UGT1A10: variants seen among roughly 807,000 people sequenced by gnomAD.
UGT1A10 encodes UDP-glucuronosyltransferase 1A10.
Under a neutral mutation model 45.8 loss-of-function variants are expected in UGT1A10, and 49 were observed. The ratio of observed to expected loss-of-function variants is 1.07; its 90% CI spans 0.85 to 1.36. UGT1A10 has a LOEUF of 1.36. Ranked by LOEUF, UGT1A10 falls within the 40% of genes most tolerant of loss-of-function variation. UGT1A10 has a pLI of 0.00. For missense variants in UGT1A10, 745 were observed against 668.6 expected, an observed-to-expected ratio of 1.11 and a Z score of -1.26; for synonymous variants, 284 against 249.7, an observed-to-expected ratio of 1.14 and a Z score of -1.29.
chr2:233,722,201 C>A (rs2076999629), intron 1 of UGT1A10: 1 of 154,184 alleles, frequency 6.5e-6, no homozygotes, highest in African/African-American at 2.4e-5. Flanking sequence ...TTACTGAGTG[C>A]ATGAAAGATC....
intron 1 of UGT1A10, among the ~76,000 whole-genome samples, chr2:233,695,692 A>G (rs972852421): frequency 1.3e-5 from 2 of 151,974 alleles, no homozygotes; most frequent in African/African-American, 4.8e-5. Flanking sequence ...CTGTGCCTAG[A>G]TTATTTCACC....
At chr2:233,702,884 A>G (rs2075712374) in intron 1 of UGT1A10, among the ~76,000 whole-genome samples, 1 of 152,194 alleles carries the variant, frequency 6.6e-6, no homozygotes, top group South Asian at 2.1e-4. Flanking sequence ...GGACTTTTGC[A>G]TCATATCCAT....
At chr2:233,762,468 G>A (rs976449997) in intron 1 of UGT1A10, among the ~76,000 whole-genome samples, 1 of 152,122 alleles carries the variant, frequency 6.6e-6, no homozygotes, top group Non-Finnish European at 1.5e-5. Context: ...TAATGTCATG[G>A]ATATCACTCC....
At chr2:233,753,960 G>C (rs563043918) in intron 1 of UGT1A10, among the ~76,000 whole-genome samples, 1 of 152,300 alleles carries the variant, frequency 6.6e-6, no homozygotes, top group East Asian at 1.9e-4. Flanking sequence ...AAAATATTAA[G>C]AGAATAACGT....
At chr2:233,654,480 A>G (rs1469791806) in intron 1 of UGT1A10, among the ~76,000 whole-genome samples, 4 of 152,260 alleles carry the variant, frequency 2.6e-5, no homozygotes, top group Non-Finnish European at 5.9e-5. Context: ...AGTTTACAGC[A>G]GAGAGTCTCA....
chr2:233,746,004 G>A (rs1693275700), intron 1 of UGT1A10, among the ~76,000 whole-genome samples: 1 of 151,648 alleles, frequency 6.6e-6, no homozygotes, highest in Non-Finnish European at 1.5e-5. Context: ...GAGAGACAGT[G>A]GTAGAAACAT....
At chr2:233,760,403 A>T (rs2125983562) in intron 1 of UGT1A10, 1 of 1,614,240 alleles carries the variant, frequency 6.2e-7, no homozygotes, top group Non-Finnish European at 8.5e-7. Flanking sequence ...GATGGCAGCC[A>T]CTGGCTGAGC....
intron 1 of UGT1A10, chr2:233,672,665 T>C: frequency 6.2e-7 from 1 of 1,613,956 alleles, no homozygotes; most frequent in Non-Finnish European, 8.5e-7. Context: ...GAGTATGATC[T>C]CTACAGCCAC....
intron 1 of UGT1A10, chr2:233,743,295 G>A (rs1319359883): frequency 1.8e-6 from 1 of 548,688 alleles, no homozygotes; most frequent in African/African-American, 2.0e-5. Flanking sequence ...CATTCTCAAT[G>A]ATTCTCTTGG....
chr2:233,689,703 C>T (rs1005426384), intron 1 of UGT1A10, among the ~76,000 whole-genome samples: 2 of 152,156 alleles, frequency 1.3e-5, no homozygotes, highest in African/African-American at 4.8e-5. Flanking sequence ...CGTTATTTCC[C>T]CTTATCTGAG....
At chr2:233,691,650 A>T (rs1174278220) in intron 1 of UGT1A10, 8 of 984,910 alleles carry the variant, frequency 8.1e-6, no homozygotes, top group Non-Finnish European at 2.4e-6. Flanking sequence ...GGCCAGTGTG[A>T]CCCTCCCTTT....
chr2:233,662,817 G>GTTT (rs34052709), intron 1 of UGT1A10, among the ~76,000 whole-genome samples: 1 of 139,376 alleles, frequency 7.2e-6, no homozygotes, highest in Non-Finnish European at 1.6e-5. Flanking sequence ...TTTGCTGAGA[G>GTTT]TTTTTTTTTT....
intron 1 of UGT1A10, chr2:233,747,550 G>C: frequency 6.2e-6 from 10 of 1,601,970 alleles, no homozygotes; most frequent in Non-Finnish European, 7.7e-6. Context: ...TTTTCTAAAA[G>C]TATGGCAATT....
chr2:233,772,713 T>G lies in UGT1A10; in HGVS notation c.*154T>G. ...GAGTGCTTTAAAAAATTCTCTTAAA[T>G]AAAAATAATAGACTCGCTAGTCAGT... On this transcript the variant is annotated 3_prime_UTR_variant, in exon 5 of 5. Transcript: ENST00000344644. The G allele has an allele frequency of 6.8e-7, 1 of 1,465,268 alleles. No individual in the cohort carries two copies. Among genetic ancestry groups the G allele is most frequent in the Non-Finnish European group, 9.0e-7 (1 of 1,113,920 alleles). 90.8% of individuals were successfully genotyped at this position (1,465,268 alleles called of 1,614,324 possible).
At chr2:233,747,180 G>A in intron 1 of UGT1A10, 1 of 1,601,796 alleles carries the variant, frequency 6.2e-7, no homozygotes, top group South Asian at 1.1e-5. Flanking sequence ...CACAGCGTGG[G>A]GTGGACAGTC....
At chr2:233,693,528 C>T (rs116011063) in intron 1 of UGT1A10, 36 of 1,614,040 alleles carry the variant, frequency 2.2e-5, no homozygotes, top group Non-Finnish European at 2.7e-5. Context: ...AGGGGTTTTC[C>T]GTGTTCCCTG....
chr2:233,730,202 A>G (rs1380136603), intron 1 of UGT1A10, among the ~76,000 whole-genome samples: 2 of 152,160 alleles, frequency 1.3e-5, no homozygotes, highest in African/African-American at 4.8e-5. Context: ...GAGGAAGAGG[A>G]AGTAGACACG....
intron 1 of UGT1A10, among the ~76,000 whole-genome samples, chr2:233,734,449 A>ATTTTCTTGATC (rs200649315): frequency 0.065 from 9,832 of 151,068 alleles, 532 homozygotes; most frequent in African/African-American, 0.16. Context: ...AGGTCTATCA[A>ATTTTCTTGATC]TTTTCAAAAT....
intron 1 of UGT1A10, among the ~76,000 whole-genome samples, chr2:233,698,342 CA>C (rs1389818502): frequency 6.6e-6 from 1 of 152,196 alleles, no homozygotes; most frequent in Non-Finnish European, 1.5e-5. Flanking sequence ...GTGTCAGTTG[CA>C]AAACATGAAT....
Sources: gnomAD v4.1 joint callset for allele counts (sites outside exome capture counted in the v4.1 genomes callset) on GRCh38, gnomAD v4.1.1 for gene constraint, MANE v1.5 for transcripts, NCBI Gene and HGNC (gene_info 2026-07-23, HGNC 2026-07-21) for gene names.